SUGT1: variants seen among roughly 807,000 people sequenced by gnomAD.
SUGT1 encodes protein SGT1 homolog.
A neutral mutation model predicts 56.1 loss-of-function variants in SUGT1; 15 were observed. The observed-to-expected ratio is 0.27, with a 90% CI of 0.18 to 0.41. The LOEUF is 0.41. Among genes scored for constraint, SUGT1 ranks in the 10% least tolerant of loss-of-function variants. SUGT1 has a pLI of 1.00. For missense variants in SUGT1, 347 were observed against 382.2 expected (o/e 0.91, Z 0.77); for synonymous variants, 123 against 128.6 (o/e 0.96, Z 0.30).
intron 2 of SUGT1, among the ~76,000 whole-genome samples, 154 bp downstream of exon 2, chr13:52,653,257 T>G (rs1961998378): frequency 6.6e-6 from 1 of 152,158 alleles, no homozygotes; most frequent in Non-Finnish European, 1.5e-5. Context: ...TCTCCGTCTC[T>G]TTTCTCTGTT....
Position 52,652,929 on chromosome 13 carries a change from G to A in SUGT1, c.9G>A (p.Ala3=). The A allele has an allele frequency of 6.2e-7, 1 of 1,614,012 alleles. No homozygotes were observed. Among genetic ancestry groups the A allele is most frequent in the Non-Finnish European group, 8.5e-7 (1 of 1,179,952 alleles). ...AACAGCGACTACGAGGGATGGCGGC[G>A]GCTGCAGCAGGAACTGCAACATCCC... is the stretch of plus-strand genomic sequence containing the variant. MA[A]AAAGTATSQR... Residue 3 remains alanine (A), a synonymous_variant, in exon 1 of 13, where the codon GCG becomes GCA. Coordinates refer to ENST00000310528, the MANE Select transcript of SUGT1 (RefSeq NM_006704.5).
chr13:52,673,720 A>G (rs1462868983), intron 10 of SUGT1, among the ~76,000 whole-genome samples: 1 of 152,228 alleles, frequency 6.6e-6, no homozygotes, highest in Non-Finnish European at 1.5e-5. Flanking sequence ...CCTGTGGCCA[A>G]GTTTAATGTG....
At chr13:52,662,613 A>C in intron 5 of SUGT1, 36 bp from the exon 6 acceptor site, 1 of 1,606,104 alleles carries the variant, frequency 6.2e-7, no homozygotes, top group South Asian at 1.1e-5. Context: ...TAGGTTGTGC[A>C]GATGAGTGAT....
chr13:52,687,752 G>A lies in SUGT1; in HGVS notation c.919G>A (p.Val307Ile). The stretch of plus-strand genomic sequence containing the variant: ...ATTGCAGATGGAGTCGGGTGGTACA[G>A]TTTTGAGTACCAACTGGTCTGATGT... ...NKSFMESGGT[V>I]LSTNWSDVGK... The change falls in exon 13 of 13, where the codon GTT (valine) becomes ATT (isoleucine). Residue 307 changes from valine to isoleucine, a missense_variant. Val to Ile is a conservative substitution (Grantham distance 29, BLOSUM62 3). Transcript: ENST00000310528. 9 of 1,601,254 alleles carry A rather than the reference G, an allele frequency of 5.6e-6. No homozygotes were observed. The highest frequency in any genetic ancestry group is 6.8e-6 in the Non-Finnish European group (8 of 1,175,304).
In SUGT1 at chr13:52,699,712, A is replaced by G. The variant is rs1337079478; in HGVS notation, c.*11877A>G. ...GACTTTGTCAGTATATGGCAAATTT[A>G]GTATAAAAGATGATTAATTATCAAG... is the stretch of plus-strand genomic sequence containing the variant. On this transcript the variant is annotated 3_prime_UTR_variant, in exon 13 of 13. Transcript: ENST00000310528. 3 of 152,230 alleles carry G rather than the reference A, an allele frequency of 2.0e-5. No homozygotes were observed. The highest frequency in any genetic ancestry group is 2.0e-4 in the Admixed American group (3 of 15,282). 9.4% of individuals were successfully genotyped at this position (152,230 alleles called of 1,614,324 possible). A position where few individuals can be genotyped will look rare whatever the true frequency, so the allele number is the denominator to read the frequency against.
intron 5 of SUGT1, among the ~76,000 whole-genome samples, chr13:52,660,046 G>C (rs1359115103): frequency 6.6e-6 from 1 of 151,094 alleles, no homozygotes; most frequent in Non-Finnish European, 1.5e-5. Context: ...AGCCAGGATG[G>C]TCTCAATCTC....
At chr13:52,683,569 CTTTGG>C (rs993776998) in intron 12 of SUGT1, among the ~76,000 whole-genome samples, 90 of 152,134 alleles carry the variant, frequency 5.9e-4, no homozygotes, top group Non-Finnish European at 1.0e-4. Context: ...TTTGTGCTAT[CTTTGG>C]TTTGGCATCA....
chr13:52,662,459 A>C (rs569967922), intron 5 of SUGT1, among the ~76,000 whole-genome samples, 190 bp from the exon 6 acceptor site: 1 of 152,234 alleles, frequency 6.6e-6, no homozygotes, highest in Non-Finnish European at 1.5e-5. Context: ...ATTAACAACT[A>C]AATGTTAAAC....
intron 12 of SUGT1, among the ~76,000 whole-genome samples, chr13:52,683,945 A>G (rs961493957): frequency 6.6e-6 from 1 of 152,118 alleles, no homozygotes; most frequent in South Asian, 2.1e-4. Flanking sequence ...TAGTAGTGTG[A>G]TCATAGCTCA....
At chr13:52,668,898 T>G (rs551923258) in intron 10 of SUGT1, among the ~76,000 whole-genome samples, 23 of 151,966 alleles carry the variant, frequency 1.5e-4, no homozygotes, top group African/African-American at 4.4e-4. Flanking sequence ...TGTGAATTAA[T>G]GATAAATGAC....
At chr13:52,663,194 G>T in intron 7 of SUGT1, 82 bp downstream of exon 7, 1 of 1,390,112 alleles carries the variant, frequency 7.2e-7, no homozygotes, top group South Asian at 1.3e-5. Flanking sequence ...GACTCAGGAT[G>T]AGCTGTCTGA....
intron 12 of SUGT1, 86 bp downstream of exon 12, chr13:52,680,241 C>A: frequency 4.6e-6 from 6 of 1,292,330 alleles, no homozygotes; most frequent in Non-Finnish European, 6.4e-6. Context: ...GACCAAATTG[C>A]GTGTACTATA....
chr13:52,654,213 T>C (rs1175530312), intron 2 of SUGT1, among the ~76,000 whole-genome samples: 2 of 152,224 alleles, frequency 1.3e-5, no homozygotes, highest in Non-Finnish European at 2.9e-5. Flanking sequence ...TATAGACCTT[T>C]AGATACTGGG....
chr13:52,669,373 ACATT>A (rs879410624), intron 10 of SUGT1, among the ~76,000 whole-genome samples: 3 of 152,208 alleles, frequency 2.0e-5, no homozygotes, highest in Non-Finnish European at 2.9e-5. Flanking sequence ...CTCACCACAT[ACATT>A]GCACAGTGGG....
In SUGT1 at chr13:52,676,314, G is replaced by T; in HGVS notation, c.712G>T (p.Val238Leu). 6.2e-7 allele frequency: 1 copy of T among 1,611,248 alleles called. No homozygotes were observed. The highest frequency in any genetic ancestry group is 8.5e-7 in the Non-Finnish European group (1 of 1,178,766). The change falls in exon 11 of 13, where the codon GTA becomes TTA. Residue 238 changes from valine (V) to leucine (L), a missense_variant. Coordinates refer to ENST00000310528, the MANE Select transcript of SUGT1 (RefSeq NM_006704.5). ...QGDVPTPKQF[V>L]ADVKNLYPSS... ...AGATGTGCCTACGCCAAAACAATTCGTAGCAGGTTTGTTTTCTGGCCTTGA... is the reference window on the plus strand; with the variant it reads ...AGATGTGCCTACGCCAAAACAATTCTTAGCAGGTTTGTTTTCTGGCCTTGA...
chr13:52,680,125 T>G lies in SUGT1; in HGVS notation c.870T>G (p.Asp290Glu). The G allele has an allele frequency of 1.3e-6, 2 of 1,587,332 alleles. No homozygotes were observed. The highest frequency in any genetic ancestry group is 8.5e-7 in the Non-Finnish European group (1 of 1,172,204). ...AGCAGATCTATTCAGATGGTTCTGA[T>G]GAAGTGAAACGTGCCATGAACAAAT... ...LFQQIYSDGSDEVKRAMNKSF... is the reference protein window; with the variant it reads ...LFQQIYSDGSEEVKRAMNKSF... The change falls in exon 12 of 13, where the codon GAT becomes GAG. Residue 290 changes from aspartate to glutamate, a missense_variant. By Grantham distance (45) the Asp-to-Glu change is conservative. Coordinates refer to ENST00000310528, the MANE Select transcript of SUGT1 (RefSeq NM_006704.5).
chr13:52,687,920 T>TG lies in SUGT1; in HGVS notation c.*86dup. 1 of 782,356 alleles carries TG rather than the reference T, an allele frequency of 1.3e-6. No individual in the cohort carries two copies. The highest frequency in any genetic ancestry group is 1.9e-6 in the Non-Finnish European group (1 of 527,742). The allele number at this position is 782,356 out of a possible 1,614,324, so 48.5% of individuals were successfully genotyped here. A position where few individuals can be genotyped will look rare whatever the true frequency, so the allele number is the denominator to read the frequency against. ...TATTGCATTCTTGAATTTTGAACAC[T>TG]GAATATCTTTTTGAAAGATTATACT... On this transcript the variant is annotated 3_prime_UTR_variant, in exon 13 of 13. Transcript: ENST00000310528.
intron 4 of SUGT1, 135 bp downstream of exon 4, chr13:52,658,603 A>G (rs1382867663): frequency 2.7e-6 from 2 of 738,876 alleles, no homozygotes; most frequent in Non-Finnish European, 2.0e-6. Context: ...ATATGATTCA[A>G]TTTTAAATAC....
chr13:52,665,510 C>CACT (rs1962658920), intron 8 of SUGT1, 127 bp from the exon 9 acceptor site: 3 of 259,964 alleles, frequency 1.2e-5, no homozygotes, highest in African/African-American at 2.3e-4. Flanking sequence ...TTCTGTGAAT[C>CACT]AGTAGTTGCT....
Sources: gnomAD v4.1 joint callset for allele counts (sites outside exome capture counted in the v4.1 genomes callset) on GRCh38, gnomAD v4.1.1 for gene constraint, MANE v1.5 for transcripts, NCBI Gene and HGNC (gene_info 2026-07-23, HGNC 2026-07-21) for gene names.